Variants in EDDM3B observed in about 807,000 individuals in gnomAD.
EDDM3B encodes the protein epididymal protein 3B, also known as epididymal secretory protein E3-beta.
For missense variants in EDDM3B, 189 were observed against 178.3 expected, an observed-to-expected ratio of 1.06 and a Z score of -0.34; for synonymous variants, 71 against 59.1, an observed-to-expected ratio of 1.20 and a Z score of -0.92.
In EDDM3B at chr14:20,770,476, A is replaced by G; in HGVS notation, c.326A>G (p.Asn109Ser). The G allele has an allele frequency of 1.9e-6, 3 of 1,614,230 alleles. No individual in the cohort carries two copies. The highest frequency in any genetic ancestry group is 2.2e-5 in the East Asian group (1 of 44,878). ...AAAGTACTCAAGTGTCACCAGGAGAATTCCAAAAATAGCTACACAGAGAGC... is the reference window on the plus strand; with the variant it reads ...AAAGTACTCAAGTGTCACCAGGAGAGTTCCAAAAATAGCTACACAGAGAGC... ...PLKVLKCHQE[N>S]SKNSYTESRS... The change falls in exon 2 of 2, where the codon AAT (asparagine) becomes AGT (serine). Residue 109 changes from asparagine to serine, a missense_variant. Physicochemically the swap from Asn to Ser is conservative, Grantham distance 46. Transcript: ENST00000326783.
Position 20,770,668 on chromosome 14 carries a change from T to C in EDDM3B, c.*74T>C. 1 of 1,149,336 alleles carries C rather than the reference T, an allele frequency of 8.7e-7. No individual in the cohort carries two copies. Among genetic ancestry groups the C allele is most frequent in the Non-Finnish European group, 1.2e-6 (1 of 801,554 alleles). The allele number at this position is 1,149,336 out of a possible 1,614,324, so 71.2% of individuals were successfully genotyped here. ...AAGTAGCAGCCCCTGCCTCCATCAA[T>C]AGTCCTACCACTCCCCTCTTGCATT... On this transcript the variant is annotated 3_prime_UTR_variant, in exon 2 of 2. Coordinates refer to ENST00000326783, the MANE Select transcript of EDDM3B (RefSeq NM_022360.5).
In EDDM3B at chr14:20,770,527, A is replaced by G. The variant is rs775662524; in HGVS notation, c.377A>G (p.His126Arg). 6.2e-7 allele frequency: 1 copy of G among 1,614,178 alleles called. No homozygotes were observed. Among genetic ancestry groups the G allele is most frequent in the Admixed American group, 1.7e-5 (1 of 60,022 alleles). ...AGGAGCTTCAACTACATTGAATTCC[A>G]TTGTAGCATGGACGGGTATGTTGAT... Reference protein sequence around the residue: ...ESRSFNYIEFHCSMDGYVDSI... With the variant: ...ESRSFNYIEFRCSMDGYVDSI... Residue 126 changes from histidine to arginine, a missense_variant, in exon 2 of 2, where the codon CAT becomes CGT. By Grantham distance (29) the His-to-Arg change is conservative. Coordinates refer to ENST00000326783, the MANE Select transcript of EDDM3B (RefSeq NM_022360.5).
Position 20,770,314 on chromosome 14 carries a change from G to C in EDDM3B, c.164G>C (p.Arg55Thr), listed in dbSNP as rs769687360. The C allele has an allele frequency of 6.2e-7, 1 of 1,614,164 alleles. No individual in the cohort carries two copies. Among genetic ancestry groups the C allele is most frequent in the South Asian group, 1.1e-5 (1 of 91,070 alleles). ...GAGTACAAATGTGATGTCCTCATGA[G>C]AGAAAATGAAGCTCTGAAAGACAAG... ...FREYKCDVLM[R>T]ENEALKDKSS... The change falls in exon 2 of 2, where the codon AGA becomes ACA. Residue 55 changes from arginine (R) to threonine (T), a missense_variant. By Grantham distance (71) the Arg-to-Thr change is moderately conservative. Coordinates refer to ENST00000326783, the MANE Select transcript of EDDM3B (RefSeq NM_022360.5).
intron 1 of EDDM3B, 37 bp from the exon 2 acceptor site, chr14:20,770,096 G>C: frequency 1.3e-6 from 2 of 1,509,760 alleles, no homozygotes; most frequent in Non-Finnish European, 1.8e-6. Context: ...GCATTGTCTG[G>C]ATAATGCTTT....
chr14:20,770,560 A>G lies in EDDM3B; in HGVS notation c.410A>G (p.Glu137Gly), dbSNP rs1878314776. The stretch of plus-strand genomic sequence containing the variant: ...ATGGACGGGTATGTTGATAGCATAG[A>G]AGACCTAAAGATGGTAGAACCTATC... ...CSMDGYVDSI[E>G]DLKMVEPIGN The change falls in exon 2 of 2, where the codon GAA becomes GGA. Residue 137 changes from glutamate to glycine, a missense_variant. Transcript: ENST00000326783. The G allele has an allele frequency of 6.2e-7, 1 of 1,613,934 alleles. No individual in the cohort carries two copies. The highest frequency in any genetic ancestry group is 8.5e-7 in the Non-Finnish European group (1 of 1,179,954).
rs1158941852 is a variant in EDDM3B, at chr14:20,770,881, A to G, written c.*287A>G. On this transcript the variant is annotated 3_prime_UTR_variant, in exon 2 of 2. Transcript: ENST00000326783. ...TTGATTAACCCAAGACTTTCCTGAT[A>G]TTGACTCTCTTGATACATACCCAAG... 14 of 345,064 alleles carry G rather than the reference A, an allele frequency of 4.1e-5. No individual in the cohort carries two copies. The highest frequency in any genetic ancestry group is 7.9e-5 in the Non-Finnish European group (14 of 178,274). The allele number at this position is 345,064 out of a possible 1,614,324, so 21.4% of individuals were successfully genotyped here. A position where few individuals can be genotyped will look rare whatever the true frequency, so the allele number is the denominator to read the frequency against.
Position 20,770,574 on chromosome 14 carries a change from G to A in EDDM3B, c.424G>A (p.Val142Ile), listed in dbSNP as rs1878315406. Residue 142 changes from valine to isoleucine, a missense_variant, in exon 2 of 2, where the codon GTA becomes ATA. Coordinates refer to ENST00000326783, the MANE Select transcript of EDDM3B (RefSeq NM_022360.5). ...TGATAGCATAGAAGACCTAAAGATG[G>A]TAGAACCTATCGGCAACTAGAAAGT... is the stretch of plus-strand genomic sequence containing the variant. The part of the protein sequence containing the change: ...YVDSIEDLKM[V>I]EPIGN 24 of 1,612,002 alleles carry A rather than the reference G, an allele frequency of 1.5e-5. No individual in the cohort carries two copies. The highest frequency in any genetic ancestry group is 2.0e-5 in the Non-Finnish European group (24 of 1,178,906).
In EDDM3B at chr14:20,770,096, G is replaced by A. The variant is rs1484158390; in HGVS notation, c.-18-37G>A. ...AGTTCAGCTCTCTGGGCATTGTCTG[G>A]ATAATGCTTTTCTTTCTCTTCTCTG... is the stretch of plus-strand genomic sequence containing the variant. On this transcript the variant is annotated intron_variant, in intron 1 of 1. Coordinates refer to ENST00000326783, the MANE Select transcript of EDDM3B (RefSeq NM_022360.5). 3 of 1,509,760 alleles carry A rather than the reference G, an allele frequency of 2.0e-6. No homozygotes were observed. The East Asian group carries it at 6.8e-5, about 34-fold the overall frequency. 93.5% of individuals were successfully genotyped at this position (1,509,760 alleles called of 1,614,324 possible).
At position 20,770,196 on chromosome 14, in the gene EDDM3B, T is replaced by C. The variant is rs1878297362; in HGVS notation, c.46T>C (p.Cys16Arg). Residue 16 changes from cysteine (C) to arginine (R), a missense_variant, in exon 2 of 2, where the codon TGC (cysteine) becomes CGC (arginine). Coordinates refer to ENST00000326783, the MANE Select transcript of EDDM3B (RefSeq NM_022360.5). ...CTGGGGCACACTCTTGGCCCTACTT[T>C]GCATCCTATGCACACTGCTTGTACA... The part of the protein sequence containing the change: ...KIWGTLLALL[C>R]ILCTLLVQSK... The C allele has an allele frequency of 1.2e-6, 2 of 1,614,130 alleles. No individual in the cohort carries two copies. Among genetic ancestry groups the C allele is most frequent in the South Asian group, 2.2e-5 (2 of 91,070 alleles).
In EDDM3B at chr14:20,770,663, A is replaced by G; in HGVS notation, c.*69A>G. On this transcript the variant is annotated 3_prime_UTR_variant, in exon 2 of 2. Transcript: ENST00000326783. ...TTTCTAAGTAGCAGCCCCTGCCTCC[A>G]TCAATAGTCCTACCACTCCCCTCTT... is the stretch of plus-strand genomic sequence containing the variant. The G allele has an allele frequency of 8.0e-7, 1 of 1,243,414 alleles. No individual in the cohort carries two copies. The highest frequency in any genetic ancestry group is 1.1e-6 in the Non-Finnish European group (1 of 885,292). The allele number at this position is 1,243,414 out of a possible 1,614,324, so 77.0% of individuals were successfully genotyped here.
At position 20,769,006 on chromosome 14, in the gene EDDM3B, CTT is replaced by C. The variant is rs112843310; in HGVS notation, c.-19+502_-19+503del. ...AGAGCACTAGTTTAAACGGTAGACT[CTT>C]TCAAAAAGATCCCCACACTCCATGC... On this transcript the variant is annotated intron_variant, in intron 1 of 1. Transcript: ENST00000326783. Among the ~76,000 whole-genome samples, 12 of 152,266 alleles carry C rather than the reference CTT, an allele frequency of 7.9e-5. 1 individual carries two copies. The highest frequency in any genetic ancestry group is 2.9e-4 in the African/African-American group (12 of 41,540).
rs376386657 is a variant in EDDM3B, at chr14:20,770,598, G to T, written c.*4G>T. 1.2e-5 allele frequency: 20 copies of T among 1,604,936 alleles called. No homozygotes were observed. The highest frequency in any genetic ancestry group is 1.7e-4 in the Middle Eastern group (1 of 6,002). On this transcript the variant is annotated 3_prime_UTR_variant, in exon 2 of 2. Coordinates refer to ENST00000326783, the MANE Select transcript of EDDM3B (RefSeq NM_022360.5). ...GGTAGAACCTATCGGCAACTAGAAA[G>T]TCTATGCACATCCTCAGGTATTGGT...
rs747483496 is a variant in EDDM3B at position 20,770,113 on chromosome 14, T to C, written c.-18-20T>C. The C allele has an allele frequency of 2.6e-6, 4 of 1,545,858 alleles. No homozygotes were observed. In the South Asian group the frequency reaches 3.7e-5, roughly 14 times the overall value. ...ATTGTCTGGATAATGCTTTTCTTTC[T>C]CTTCTCTGTGGACACGCAGGCGGCC... On this transcript the variant is annotated intron_variant, in intron 1 of 1. Transcript: ENST00000326783.
intron 1 of EDDM3B, among the ~76,000 whole-genome samples, 171 bp from the exon 2 acceptor site, chr14:20,769,962 G>C (rs1484536806): frequency 6.6e-6 from 1 of 152,158 alleles, no homozygotes; most frequent in African/African-American, 2.4e-5. Context: ...CGTGTTTTTA[G>C]TTCTTAGAAA....
rs1199837480 is a variant in EDDM3B at position 20,770,627 on chromosome 14, G to A, written c.*33G>A. ...ATGCACATCCTCAGGTATTGGTAGA[G>A]TATTCAGTGCTTTCTAAGTAGCAGC... On this transcript the variant is annotated 3_prime_UTR_variant, in exon 2 of 2. Transcript: ENST00000326783. The A allele has an allele frequency of 6.4e-7, 1 of 1,560,138 alleles. No homozygotes were observed. The highest frequency in any genetic ancestry group is 8.7e-7 in the Non-Finnish European group (1 of 1,148,168).
Position 20,770,837 on chromosome 14 carries a change from G to T in EDDM3B, c.*243G>T, listed in dbSNP as rs1878324430. The stretch of plus-strand genomic sequence containing the variant: ...ACTCTTATACTTTTGTCGACATTCA[G>T]CTCATATGGCATCTGTTCTTGATTA... On this transcript the variant is annotated 3_prime_UTR_variant, in exon 2 of 2. Coordinates refer to ENST00000326783, the MANE Select transcript of EDDM3B (RefSeq NM_022360.5). 2 of 448,460 alleles carry T rather than the reference G, an allele frequency of 4.5e-6. No homozygotes were observed. The highest frequency in any genetic ancestry group is 3.2e-5 in the South Asian group (1 of 31,522). The allele number at this position is 448,460 out of a possible 1,614,324, so 27.8% of individuals were successfully genotyped here.
intron 1 of EDDM3B, among the ~76,000 whole-genome samples, chr14:20,769,493 T>C (rs1386828259): frequency 6.6e-6 from 1 of 152,160 alleles, no homozygotes; most frequent in African/African-American, 2.4e-5. Context: ...TCATTTGTAA[T>C]AGTGATAATT....
chr14:20,768,837 C>T (rs773553695), intron 1 of EDDM3B, among the ~76,000 whole-genome samples: 16 of 152,200 alleles, frequency 1.1e-4, no homozygotes, highest in Non-Finnish European at 1.8e-4. Context: ...ATTAGAAGTG[C>T]TCTCAAATAC....
chr14:20,769,829 A>G (rs567148515), intron 1 of EDDM3B, among the ~76,000 whole-genome samples: 1 of 152,210 alleles, frequency 6.6e-6, no homozygotes, highest in Non-Finnish European at 1.5e-5. Context: ...AAAAGGAGCC[A>G]GCTGGAGGGT....
Sources: allele counts gnomAD v4.1 joint callset (sites outside exome capture counted in the v4.1 genomes callset), GRCh38; gene constraint gnomAD v4.1.1; transcripts MANE v1.5; gene names NCBI Gene and HGNC (gene_info 2026-07-23, HGNC 2026-07-21).